Variants in TACC1 observed in about 807,000 individuals in gnomAD.
The protein encoded by TACC1 is transforming acidic coiled-coil-containing protein 1.
A neutral mutation model predicts 84.4 loss-of-function variants in TACC1; 48 were observed. The observed-to-expected ratio is 0.57, with a 90% CI of 0.45 to 0.72. TACC1 has a LOEUF of 0.72. Ranked by LOEUF, TACC1 falls within the 30% of genes least tolerant of loss-of-function variation. The pLI is 0.00. For synonymous variants in TACC1, 372 were observed against 376.3 expected, an observed-to-expected ratio of 0.99 and a Z score of 0.13; for missense variants, 920 against 973.0, an observed-to-expected ratio of 0.95 and a Z score of 0.72.
intron 1 of TACC1, among the ~76,000 whole-genome samples, chr8:38,729,823 C>T (rs1044295206): frequency 2.0e-5 from 3 of 152,096 alleles, no homozygotes; most frequent in African/African-American, 7.2e-5. Context: ...GAGCTGAGAT[C>T]ACGCCACTGC....
At position 38,820,171 on chromosome 8, in the gene TACC1, G is replaced by A. The variant is rs759341095; in HGVS notation, c.927G>A (p.Leu309=). 6.2e-7 allele frequency: 1 copy of A among 1,614,126 alleles called. No individual in the cohort carries two copies. The highest frequency in any genetic ancestry group is 8.5e-7 in the Non-Finnish European group (1 of 1,180,024). ...ACACCAACGACTCAGGGGTTGAGCT[G>A]GGGGAGGAGTCGAGGAGCTCACCTC... ...SSDTNDSGVE[L]GEESRSSPLK... is the part of the protein sequence containing the mutation. Residue 309 remains leucine (L), a synonymous_variant, in exon 3 of 13, where the codon CTG becomes CTA. Transcript: ENST00000317827.
intron 11 of TACC1, chr8:38,846,486 T>G: frequency 5.2e-5 from 24 of 462,718 alleles, no homozygotes; most frequent in East Asian, 1.2e-4. Context: ...CATTTGCTAG[T>G]GAGATACAAA....
chr8:38,846,779 A>G lies in TACC1; in HGVS notation c.2309A>G (p.Gln770Arg), dbSNP rs772794086. The change falls in exon 12 of 13, where the codon CAG (glutamine) becomes CGG (arginine). Residue 770 changes from glutamine to arginine, a missense_variant. Gln to Arg is a conservative substitution (Grantham distance 43, BLOSUM62 1). Coordinates refer to ENST00000317827, the MANE Select transcript of TACC1 (RefSeq NM_006283.3). ...AALHAGLRKE[Q>R]MKVESLERAL... ...CTCCATGCTGGACTCCGCAAAGAGC[A>G]GATGAAGGTGGAGTCCCTGGAAAGG... is the stretch of plus-strand genomic sequence containing the variant. The G allele has an allele frequency of 3.1e-6, 5 of 1,614,232 alleles. No homozygotes were observed. The Admixed American group carries it at 8.3e-5, about 27-fold the overall frequency.
At chr8:38,790,157 G>C (rs978880499) in intron 2 of TACC1, among the ~76,000 whole-genome samples, 1 of 152,152 alleles carries the variant, frequency 6.6e-6, no homozygotes, top group Non-Finnish European at 1.5e-5. Flanking sequence ...AATCCTTTGT[G>C]TTCTTTGGCT....
Position 38,787,664 on chromosome 8 carries a change from G to A in TACC1, c.82G>A (p.Gly28Ser). Residue 28 changes from glycine to serine, a missense_variant, in exon 1 of 13, where the codon GGC becomes AGC. Physicochemically the swap from Gly to Ser is moderately conservative, Grantham distance 56. Coordinates refer to ENST00000317827, the MANE Select transcript of TACC1 (RefSeq NM_006283.3). The stretch of plus-strand genomic sequence containing the variant: ...GTCTGCGGTACGCGGCGGGGCCGCC[G>A]GCGAGGACGAGGCTGGCGGGCCCGA... Reference protein sequence around the residue: ...TWSAVRGGAAGEDEAGGPEGD... With the variant: ...TWSAVRGGAASEDEAGGPEGD... 6.5e-7 allele frequency: 1 copy of A among 1,550,274 alleles called. No homozygotes were observed.
chr8:38,734,979 G>C (rs1805684373), intron 1 of TACC1, among the ~76,000 whole-genome samples: 1 of 152,268 alleles, frequency 6.6e-6, no homozygotes, highest in African/African-American at 2.4e-5. Context: ...TGAGAACACA[G>C]CCTGCTCTCT....
At chr8:38,809,774 G>A (rs1740411769) in intron 2 of TACC1, among the ~76,000 whole-genome samples, 1 of 152,174 alleles carries the variant, frequency 6.6e-6, no homozygotes, top group African/African-American at 2.4e-5. Context: ...GGGACCTACA[G>A]AAGGAGGGGA....
Position 38,840,270 on chromosome 8 carries a change from AAGG to A in TACC1, c.1960+6_1960+8del, listed in dbSNP as rs907681990. 6.2e-7 allele frequency: 1 copy of A among 1,612,668 alleles called. No homozygotes were observed. Among genetic ancestry groups the A allele is most frequent in the Admixed American group, 1.7e-5 (1 of 59,974 alleles). ...AAAGACTATTGCTCAAATGATTGGT[AAGG>A]AGAACATTTTGTTTTTTGAGGGTAT... On this transcript the variant is annotated splice_donor_5th_base_variant and intron_variant, in intron 9 of 12. Transcript: ENST00000317827.
At chr8:38,729,776 G>A (rs1804559732) in intron 1 of TACC1, among the ~76,000 whole-genome samples, 1 of 152,136 alleles carries the variant, frequency 6.6e-6, no homozygotes, top group Admixed American at 6.6e-5. Flanking sequence ...GGCTGAGGCA[G>A]GAGAATTACT....
chr8:38,730,973 G>A (rs1804815695), intron 1 of TACC1, among the ~76,000 whole-genome samples: 1 of 152,150 alleles, frequency 6.6e-6, no homozygotes, highest in Non-Finnish European at 1.5e-5. Context: ...CCAGGCTGGA[G>A]TGCAGTGGTA....
intron 5 of TACC1, chr8:38,827,602 A>G: frequency 1.8e-6 from 1 of 571,118 alleles, no homozygotes; most frequent in Non-Finnish European, 3.1e-6. Flanking sequence ...GGAGATGCTG[A>G]TGTATGTGAG....
chr8:38,763,998 A>G (rs138487686), intron 3 of TACC1, among the ~76,000 whole-genome samples: 309 of 152,312 alleles, frequency 2.0e-3, no homozygotes, highest in African/African-American at 7.2e-3. Flanking sequence ...ATTACTATAT[A>G]TTGCCAAATT....
chr8:38,832,917 A>C (rs539667483), intron 6 of TACC1, among the ~76,000 whole-genome samples: 1 of 152,328 alleles, frequency 6.6e-6, no homozygotes, highest in East Asian at 1.9e-4. Context: ...GTAAATTTGC[A>C]ACCGGGAGTC....
chr8:38,798,738 C>A (rs894117962), intron 2 of TACC1, among the ~76,000 whole-genome samples: 1 of 151,966 alleles, frequency 6.6e-6, no homozygotes, highest in Non-Finnish European at 1.5e-5. Context: ...ATCCCGCTGA[C>A]CCACCCCTCT....
chr8:38,805,174 C>T (rs1337734861), intron 2 of TACC1, among the ~76,000 whole-genome samples: 2 of 152,172 alleles, frequency 1.3e-5, no homozygotes, highest in African/African-American at 4.8e-5. Context: ...TGAGCGTGGT[C>T]TATTCTTTGG....
Position 38,730,013 on chromosome 8 carries a change from C to T in TACC1, c.-675+1342C>T, listed in dbSNP as rs71517728. Among the ~76,000 whole-genome samples, 611 of 152,358 alleles carry T rather than the reference C, an allele frequency of 4.0e-3. 5 individuals carry two copies. Among genetic ancestry groups the T allele is most frequent in the Admixed American group, 9.2e-3 (140 of 15,298 alleles). ...TCTTCCCACTTCCAACAAAGTAGCT[C>T]CATCCTTACCTGACTTTTATGTCGA... On this transcript the variant is annotated intron_variant, in intron 1 of 14. Coordinates refer to the TACC1 transcript ENST00000518415.
chr8:38,814,600 G>T lies in TACC1; in HGVS notation c.278-4922G>T, dbSNP rs28439079. 1.7e-3 allele frequency among the ~76,000 whole-genome samples: 263 copies of T among 152,264 alleles called. 3 individuals carry two copies. Among genetic ancestry groups the T allele is most frequent in the African/African-American group, 6.0e-3 (251 of 41,548 alleles). On this transcript the variant is annotated intron_variant, in intron 2 of 12. Coordinates refer to ENST00000317827, the MANE Select transcript of TACC1 (RefSeq NM_006283.3). ...GTACACTCTATAATGATCACACAGT[G>T]ACCCGCACAATGATGAAATCACCTA... is the stretch of plus-strand genomic sequence containing the variant.
At chr8:38,775,710 A>G (rs1814682561) in intron 3 of TACC1, among the ~76,000 whole-genome samples, 2 of 152,196 alleles carry the variant, frequency 1.3e-5, no homozygotes, top group Non-Finnish European at 2.9e-5. Context: ...GGGGGATATA[A>G]ACAGTCAGTC....
Position 38,788,737 on chromosome 8 carries a change from A to G in TACC1, c.195A>G (p.Glu65=), listed in dbSNP as rs994614050. 2 of 1,614,058 alleles carry G rather than the reference A, an allele frequency of 1.2e-6. No individual in the cohort carries two copies. The highest frequency in any genetic ancestry group is 1.7e-6 in the Non-Finnish European group (2 of 1,179,984). ...SDSEGNFETP[E]AETPIRSPFK... Reference sequence around the variant, plus strand: ...CTGAAGGTAATTTTGAGACTCCTGAAGCTGAAACCCCGATCCGATCACCTT... The same window carrying G: ...CTGAAGGTAATTTTGAGACTCCTGAGGCTGAAACCCCGATCCGATCACCTT... Residue 65 remains glutamate (E), a synonymous_variant, in exon 2 of 13, where the codon GAA becomes GAG. Transcript: ENST00000317827.
Sources: allele counts gnomAD v4.1 joint callset (sites outside exome capture counted in the v4.1 genomes callset), GRCh38; gene constraint gnomAD v4.1.1; transcripts MANE v1.5; gene names NCBI Gene and HGNC (gene_info 2026-07-23, HGNC 2026-07-21).